HAUS7: variants seen among roughly 807,000 people sequenced by gnomAD.
HAUS7 encodes the protein HAUS augmin like complex subunit 7.
HAUS7 carries 3 observed loss-of-function variants against 28.4 expected under a neutral mutation model. The observed-to-expected ratio is 0.11, with a 90% CI of 0.05 to 0.27. The LOEUF is 0.27. Among genes scored for constraint, HAUS7 ranks in the 10% least tolerant of loss-of-function variants. The pLI is 1.00. For synonymous variants in HAUS7, 165 were observed against 132.1 expected, an observed-to-expected ratio of 1.25 and a Z score of -1.71; for missense variants, 284 against 297.3, an observed-to-expected ratio of 0.96 and a Z score of 0.33.
chrX:153,468,861 C>G (rs1377324317), intron 2 of HAUS7, among the ~76,000 whole-genome samples: 1 of 112,910 alleles, frequency 8.9e-6, no homozygotes, highest in African/African-American at 3.2e-5. Flanking sequence ...CCTGAACCTC[C>G]AAACTCATAA....
chrX:153,457,096 A>G, intron 5 of HAUS7, 41 bp downstream of exon 5: 4 of 859,953 alleles, frequency 4.7e-6, no homozygotes, highest in Non-Finnish European at 7.0e-6. Context: ...GACCAAGAGA[A>G]GCCCGTCAAT....
chrX:153,493,009 T>C (rs1445198395), intron 1 of HAUS7, among the ~76,000 whole-genome samples: 1 of 112,148 alleles, frequency 8.9e-6, no homozygotes, highest in Non-Finnish European at 1.9e-5. Context: ...TTCTCCTTTT[T>C]TCTGAAACGG....
chrX:153,469,072 C>T, intron 2 of HAUS7, 74 bp downstream of exon 2: 1 of 586,024 alleles, frequency 1.7e-6, no homozygotes, highest in Non-Finnish European at 3.0e-6. Context: ...ACCACAAACC[C>T]CATCTTCCCC....
chrX:153,490,278 C>A (rs1194884524), intron 1 of HAUS7, among the ~76,000 whole-genome samples: 1 of 113,194 alleles, frequency 8.8e-6, no homozygotes, highest in East Asian at 2.8e-4. Flanking sequence ...CCGGAGCCCC[C>A]ACGCAGGCCC....
At chrX:153,494,171 G>T (rs2124202827) in intron 1 of HAUS7, among the ~76,000 whole-genome samples, 1 of 111,982 alleles carries the variant, frequency 8.9e-6, no homozygotes, top group East Asian at 2.8e-4. Flanking sequence ...AGTCTTGGTG[G>T]GGTAACCCGG....
chrX:153,454,016 G>A (rs1390297646), intron 9 of HAUS7, among the ~76,000 whole-genome samples: 1 of 110,634 alleles, frequency 9.0e-6, no homozygotes, highest in African/African-American at 3.3e-5. Context: ...ACGTGGTTTT[G>A]CCATGTTGCC....
chrX:153,481,976 GC>G, intron 1 of HAUS7: 2 of 640,703 alleles, frequency 3.1e-6, no homozygotes, highest in Non-Finnish European at 3.7e-6. Context: ...TGGGGCTGGG[GC>G]TGGCAGGTCC....
intron 1 of HAUS7, 55 bp downstream of exon 1, chrX:153,470,395 G>C (rs1602944141): frequency 8.6e-7 from 1 of 1,163,219 alleles, no homozygotes; most frequent in East Asian, 3.1e-5. Flanking sequence ...CCCGGGCCTC[G>C]GGCGGGGCCC....
intron 1 of HAUS7, among the ~76,000 whole-genome samples, chrX:153,491,332 C>T (rs782200439): frequency 8.9e-5 from 10 of 112,737 alleles, no homozygotes; most frequent in Non-Finnish European, 1.9e-4. Context: ...GGCGCCCCCA[C>T]CCTGCTTCTC....
At chrX:153,458,630 G>A (rs782741035) in intron 4 of HAUS7, among the ~76,000 whole-genome samples, 1 of 112,172 alleles carries the variant, frequency 8.9e-6, no homozygotes, top group Non-Finnish European at 1.9e-5. Flanking sequence ...GAACTGCTGG[G>A]TCACGGGGTA....
chrX:153,455,501 G>A (rs1556981903), intron 8 of HAUS7, 41 bp downstream of exon 8: 1 of 882,659 alleles, frequency 1.1e-6, no homozygotes, highest in East Asian at 3.1e-5. Context: ...TGAGTGAACA[G>A]GGGAGGGGGC....
intron 1 of HAUS7, among the ~76,000 whole-genome samples, chrX:153,492,737 C>G (rs1461939885): frequency 9.0e-6 from 1 of 111,303 alleles, no homozygotes; most frequent in East Asian, 2.8e-4. Context: ...CCCACACCCC[C>G]CCGCACGTGT....
chrX:153,456,240 C>T (rs2089306929), intron 7 of HAUS7, 25 bp downstream of exon 7: 2 of 1,147,023 alleles, frequency 1.7e-6, no homozygotes, highest in Non-Finnish European at 2.4e-6. Context: ...CCAAGCAACC[C>T]CCTCCCAGGA....
chrX:153,468,603 C>T (rs1039668790), intron 2 of HAUS7, among the ~76,000 whole-genome samples: 1 of 112,442 alleles, frequency 8.9e-6, no homozygotes, highest in East Asian at 2.8e-4. Context: ...AGGCACACAC[C>T]ATGCTACACC....
upstream of HAUS7, among the ~76,000 whole-genome samples, chrX:153,475,412 G>C (rs1221595791): frequency 1.9e-5 from 2 of 107,632 alleles, no homozygotes; most frequent in Non-Finnish European, 3.8e-5. Context: ...AGGCTCTCTC[G>C]CTCAGGATCA....
At chrX:153,492,039 G>C (rs1331618214) in intron 1 of HAUS7, among the ~76,000 whole-genome samples, 1 of 112,442 alleles carries the variant, frequency 8.9e-6, no homozygotes, top group Non-Finnish European at 1.9e-5. Context: ...GTCTGCCGCG[G>C]GTTCCTGGGG....
chrX:153,449,727 G>A lies in HAUS7; in HGVS notation c.1046-1818C>T, dbSNP rs1340825499. Reference sequence around the variant, plus strand: ...GGGTTCCATCTACCCTGTGCTCGGCGCCTGCACTCACCTGGCTTGTACTGT... The same window carrying A: ...GGGTTCCATCTACCCTGTGCTCGGCACCTGCACTCACCTGGCTTGTACTGT... On this transcript the variant is annotated intron_variant, in intron 9 of 9. Coordinates refer to ENST00000370211, the MANE Select transcript of HAUS7 (RefSeq NM_001385482.1). 6.2e-5 allele frequency among the ~76,000 whole-genome samples: 7 copies of A among 112,239 alleles called. No individual in the cohort carries two copies. In the East Asian group the frequency reaches 1.1e-3, roughly 18 times the overall value.
At chrX:153,463,962 C>T (rs2089425445) in intron 3 of HAUS7, among the ~76,000 whole-genome samples, 3 of 112,835 alleles carry the variant, frequency 2.7e-5, no homozygotes, top group South Asian at 7.3e-4. Context: ...CCCGCTAGCA[C>T]GCAAGCGCCA....
chrX:153,488,876 C>T (rs2089655065), intron 1 of HAUS7, among the ~76,000 whole-genome samples: 1 of 113,244 alleles, frequency 8.8e-6, no homozygotes, highest in South Asian at 3.5e-4. Context: ...GGCCCCTCAG[C>T]TGCAGGAGGG....
Sources: gnomAD v4.1 joint callset for allele counts (sites outside exome capture counted in the v4.1 genomes callset) on GRCh38, gnomAD v4.1.1 for gene constraint, MANE v1.5 for transcripts, NCBI Gene and HGNC (gene_info 2026-07-23, HGNC 2026-07-21) for gene names.